Variants in WDFY2 observed in about 807,000 individuals in gnomAD.
WDFY2 encodes WD repeat and FYVE domain-containing protein 2.
A neutral mutation model predicts 56.4 loss-of-function variants in WDFY2; 36 were observed. That is an observed-to-expected ratio of 0.64 (90% CI 0.49 to 0.84). WDFY2 has a LOEUF of 0.84. WDFY2 is among the 40% of genes least tolerant of loss of function. WDFY2 has a pLI of 0.00. For missense variants in WDFY2, 444 were observed against 512.2 expected, an observed-to-expected ratio of 0.87 and a Z score of 1.29; for synonymous variants, 176 against 183.7, an observed-to-expected ratio of 0.96 and a Z score of 0.34.
At chr13:51,621,316 C>G (rs187100037) in intron 1 of WDFY2, among the ~76,000 whole-genome samples, 45 of 152,248 alleles carry the variant, frequency 3.0e-4, no homozygotes, top group African/African-American at 1.0e-3. Context: ...ACCAGCCTGG[C>G]CAACATGTTG....
chr13:51,703,032 A>G (rs1006472831), intron 3 of WDFY2, among the ~76,000 whole-genome samples: 6 of 152,178 alleles, frequency 3.9e-5, no homozygotes, highest in African/African-American at 1.4e-4. Flanking sequence ...TGACATTCAG[A>G]CTAATCTCAT....
intron 1 of WDFY2, among the ~76,000 whole-genome samples, chr13:51,624,855 G>A (rs1009579082): frequency 1.3e-5 from 2 of 152,220 alleles, no homozygotes; most frequent in African/African-American, 2.4e-5. Context: ...AGGCAGGAAC[G>A]TCCCTGGTTT....
At chr13:51,670,536 C>CAGAG (rs1289207644) in intron 2 of WDFY2, among the ~76,000 whole-genome samples, 1 of 141,658 alleles carries the variant, frequency 7.1e-6, no homozygotes, top group African/African-American at 2.6e-5. Context: ...CACACACACA[C>CAGAG]AGATGTTTGC....
chr13:51,659,463 A>G (rs1310799362), intron 1 of WDFY2, among the ~76,000 whole-genome samples: 1 of 151,908 alleles, frequency 6.6e-6, no homozygotes, highest in African/African-American at 2.4e-5. Context: ...GACTTTTTCC[A>G]TTTGTTTGAT....
chr13:51,734,731 T>G (rs1011214743), intron 6 of WDFY2, among the ~76,000 whole-genome samples: 2 of 152,206 alleles, frequency 1.3e-5, no homozygotes, highest in Non-Finnish European at 2.9e-5. Flanking sequence ...CTAGAAAACT[T>G]TATTTGTAAG....
intron 1 of WDFY2, among the ~76,000 whole-genome samples, chr13:51,631,736 C>A (rs1448817834): frequency 6.6e-6 from 1 of 152,100 alleles, no homozygotes; most frequent in Admixed American, 6.5e-5. Flanking sequence ...GCCATGTTGC[C>A]CAGGCTGGTT....
intron 4 of WDFY2, among the ~76,000 whole-genome samples, chr13:51,717,841 T>C (rs1278005818): frequency 6.6e-6 from 1 of 152,140 alleles, no homozygotes; most frequent in Non-Finnish European, 1.5e-5. Context: ...TCTCCAAGCT[T>C]CAAATACCAG....
chr13:51,623,310 G>A (rs751686644), intron 1 of WDFY2, among the ~76,000 whole-genome samples: 64 of 152,032 alleles, frequency 4.2e-4, no homozygotes, highest in Non-Finnish European at 7.8e-4. Context: ...TGAGATGAAT[G>A]GGCAAGCTAA....
At position 51,666,019 on chromosome 13, in the gene WDFY2, G is replaced by A. The variant is rs139066918; in HGVS notation, c.205+5356G>A. On this transcript the variant is annotated intron_variant, in intron 2 of 11. Transcript: ENST00000298125. Reference sequence around the variant, plus strand: ...ACCCAGTCTGAAGTGTGGTTGGGCCGCTCAGTTTTCACACAAGTATGGATA... The same window carrying A: ...ACCCAGTCTGAAGTGTGGTTGGGCCACTCAGTTTTCACACAAGTATGGATA... 8.5e-5 allele frequency among the ~76,000 whole-genome samples: 13 copies of A among 152,258 alleles called. No homozygotes were observed. In the East Asian group the frequency reaches 1.9e-3, roughly 23 times the overall value.
intron 3 of WDFY2, among the ~76,000 whole-genome samples, chr13:51,693,944 T>C (rs1420170481): frequency 6.6e-6 from 1 of 151,584 alleles, no homozygotes; most frequent in Non-Finnish European, 1.5e-5. Context: ...GTAATGGCCT[T>C]CTTTGTCTCT....
chr13:51,704,438 G>C (rs1410856311), intron 4 of WDFY2, among the ~76,000 whole-genome samples: 2 of 152,186 alleles, frequency 1.3e-5, no homozygotes, highest in Non-Finnish European at 1.5e-5. Context: ...TGCATAAGCA[G>C]TTTATAATCA....
intron 2 of WDFY2, among the ~76,000 whole-genome samples, chr13:51,671,980 C>T (rs1006937818): frequency 2.4e-4 from 36 of 151,818 alleles, no homozygotes; most frequent in Admixed American, 7.2e-4. Flanking sequence ...GATGGGGTTT[C>T]GCCATGTTGG....
intron 1 of WDFY2, among the ~76,000 whole-genome samples, chr13:51,653,460 TGGA>T (rs1373194038): frequency 1.3e-5 from 2 of 152,220 alleles, no homozygotes; most frequent in Non-Finnish European, 2.9e-5. Flanking sequence ...TGCGTTCCTT[TGGA>T]GGAGAAGAGG....
intron 4 of WDFY2, among the ~76,000 whole-genome samples, chr13:51,710,282 G>A (rs1410316475): frequency 4.6e-5 from 7 of 152,072 alleles, no homozygotes; most frequent in African/African-American, 9.6e-5. Flanking sequence ...TTGATGGGAC[G>A]TATCTCAAAA....
chr13:51,668,699 G>A (rs1189583285), intron 2 of WDFY2, among the ~76,000 whole-genome samples: 2 of 152,160 alleles, frequency 1.3e-5, no homozygotes, highest in East Asian at 3.8e-4. Flanking sequence ...GATACCGTTA[G>A]CACCTGAAGT....
intron 1 of WDFY2, among the ~76,000 whole-genome samples, chr13:51,650,391 T>C (rs546082502): frequency 8.5e-5 from 13 of 152,318 alleles, no homozygotes; most frequent in East Asian, 1.9e-4. Flanking sequence ...CTTTTCCTAA[T>C]TGAATACCCT....
Position 51,761,535 on chromosome 13 carries a change from T to G in WDFY2, c.*1766T>G, listed in dbSNP as rs999739670. On this transcript the variant is annotated 3_prime_UTR_variant, in exon 12 of 12. Transcript: ENST00000298125. ...ACCCAAGCCCCACCCCACAGTGTCT[T>G]GCTCTCTTCTGATTTTACAGGTTTT... The G allele has an allele frequency of 1.3e-5, 2 of 152,184 alleles. No homozygotes were observed. The highest frequency in any genetic ancestry group is 2.4e-5 in the African/African-American group (1 of 41,440). 9.4% of individuals were successfully genotyped at this position (152,184 alleles called of 1,614,324 possible).
intron 1 of WDFY2, among the ~76,000 whole-genome samples, chr13:51,648,409 T>C (rs982996658): frequency 6.6e-6 from 1 of 152,200 alleles, no homozygotes; most frequent in Non-Finnish European, 1.5e-5. Flanking sequence ...TGATTGATTC[T>C]TTTAATCTTT....
intron 5 of WDFY2, among the ~76,000 whole-genome samples, chr13:51,725,382 A>G (rs1192483060): frequency 6.6e-6 from 1 of 152,180 alleles, no homozygotes; most frequent in Admixed American, 6.5e-5. Context: ...ATATTTTTAC[A>G]TATTAAAAAT....
Sources: gnomAD v4.1 joint callset for allele counts (sites outside exome capture counted in the v4.1 genomes callset) on GRCh38, gnomAD v4.1.1 for gene constraint, MANE v1.5 for transcripts, NCBI Gene and HGNC (gene_info 2026-07-23, HGNC 2026-07-21) for gene names.